The following UBTD1 variants were observed in gnomAD, a reference collection of about 807,000 sequenced individuals.
UBTD1 encodes ubiquitin domain containing 1.
In UBTD1, 19 loss-of-function variants were observed where a neutral mutation model predicts 21.7. The ratio of observed to expected loss-of-function variants is 0.87; its 90% confidence interval spans 0.61 to 1.28. UBTD1 has a LOEUF of 1.28. Ranked by LOEUF, UBTD1 falls within the 50% of genes most tolerant of loss-of-function variation. The probability of loss-of-function intolerance (pLI) is 0.00; values close to 1 mark genes in which losing one functional copy is unlikely to be tolerated. For synonymous variants in UBTD1, 116 were observed against 135.1 expected (o/e 0.86, Z 0.98); for missense variants, 282 against 315.1 (o/e 0.89, Z 0.80).
intron 1 of UBTD1, among the ~76,000 whole-genome samples, chr10:97,537,173 C>G (rs1167666416): frequency 6.6e-6 from 1 of 152,134 alleles, no homozygotes; most frequent in Non-Finnish European, 1.5e-5. Flanking sequence ...CCGGCAGGAT[C>G]TTAAACACAG....
chr10:97,538,323 C>G (rs2040572751), intron 1 of UBTD1, among the ~76,000 whole-genome samples: 1 of 151,922 alleles, frequency 6.6e-6, no homozygotes, highest in Admixed American at 6.6e-5. Context: ...GAGACCTCAT[C>G]CCTATTTTAT....
intron 1 of UBTD1, among the ~76,000 whole-genome samples, chr10:97,556,595 A>G (rs368505820): frequency 1.3e-5 from 2 of 152,332 alleles, no homozygotes; most frequent in Non-Finnish European, 1.5e-5. Flanking sequence ...TCAGGGGGCC[A>G]TTTATCATCT....
chr10:97,503,879 G>T (rs1371771302), intron 1 of UBTD1, among the ~76,000 whole-genome samples: 1 of 152,156 alleles, frequency 6.6e-6, no homozygotes, highest in South Asian at 2.1e-4. Flanking sequence ...TATAATTTCA[G>T]CCCATTCTCT....
intron 1 of UBTD1, among the ~76,000 whole-genome samples, chr10:97,523,819 G>C (rs1482974502): frequency 6.6e-6 from 1 of 152,088 alleles, no homozygotes; most frequent in Admixed American, 6.5e-5. Flanking sequence ...AGGACTGTTG[G>C]TCTCTGTGGC....
At chr10:97,562,121 G>T (rs74773350) in intron 1 of UBTD1, among the ~76,000 whole-genome samples, 1 of 152,086 alleles carries the variant, frequency 6.6e-6, no homozygotes, top group African/African-American at 2.4e-5. Flanking sequence ...ACATTAAAAC[G>T]GTCCAGGCGT....
intron 1 of UBTD1, among the ~76,000 whole-genome samples, chr10:97,535,881 G>C (rs1375521715): frequency 6.6e-6 from 1 of 151,508 alleles, no homozygotes; most frequent in African/African-American, 2.4e-5. Context: ...CCGCACTACT[G>C]CACTCTAATC....
chr10:97,564,084 C>T (rs2040706569), intron 1 of UBTD1, among the ~76,000 whole-genome samples: 1 of 152,034 alleles, frequency 6.6e-6, no homozygotes, highest in Non-Finnish European at 1.5e-5. Context: ...GGGTCCGGTC[C>T]ATCGAGGTTG....
At chr10:97,557,832 C>T (rs1053391182) in intron 1 of UBTD1, among the ~76,000 whole-genome samples, 9 of 152,160 alleles carry the variant, frequency 5.9e-5, no homozygotes, top group Non-Finnish European at 4.4e-5. Context: ...TAGCATTATA[C>T]AAACAAGTTT....
At chr10:97,519,012 C>G (rs1043001726) in intron 1 of UBTD1, among the ~76,000 whole-genome samples, 2 of 152,228 alleles carry the variant, frequency 1.3e-5, no homozygotes, top group African/African-American at 4.8e-5. Flanking sequence ...GAGTAAGTAG[C>G]AGAACCAGAC....
chr10:97,557,564 T>C (rs1302414297), intron 1 of UBTD1, among the ~76,000 whole-genome samples: 2 of 152,204 alleles, frequency 1.3e-5, no homozygotes, highest in Non-Finnish European at 2.9e-5. Flanking sequence ...TTTTTTTTAC[T>C]GTGTAACTTT....
At chr10:97,565,740 T>G (rs2040714389) in intron 1 of UBTD1, among the ~76,000 whole-genome samples, 1 of 152,034 alleles carries the variant, frequency 6.6e-6, no homozygotes, top group Non-Finnish European at 1.5e-5. Flanking sequence ...GGGTCTCACT[T>G]TGTCACCCAG....
chr10:97,559,211 A>G (rs1402380980), intron 1 of UBTD1, among the ~76,000 whole-genome samples: 7 of 152,218 alleles, frequency 4.6e-5, no homozygotes, highest in Non-Finnish European at 1.0e-4. Context: ...AGAGCTTGGC[A>G]TGACTTATTA....
At chr10:97,534,904 C>A (rs879491226) in intron 1 of UBTD1, among the ~76,000 whole-genome samples, 9 of 152,330 alleles carry the variant, frequency 5.9e-5, no homozygotes, top group Admixed American at 5.2e-4. Context: ...CCCGCCTCCC[C>A]ACCAAGCGGC....
intron 1 of UBTD1, among the ~76,000 whole-genome samples, chr10:97,503,510 T>C (rs1384964172): frequency 1.3e-5 from 2 of 152,304 alleles, no homozygotes; most frequent in African/African-American, 4.8e-5. Context: ...AACCCAAATA[T>C]CTGACTCTGT....
At chr10:97,538,401 GT>G (rs1274290712) in intron 1 of UBTD1, among the ~76,000 whole-genome samples, 1 of 152,144 alleles carries the variant, frequency 6.6e-6, no homozygotes, top group Non-Finnish European at 1.5e-5. Flanking sequence ...ACATTTGTAT[GT>G]TTTTAAAATG....
chr10:97,504,745 A>G (rs938122966), intron 1 of UBTD1, among the ~76,000 whole-genome samples: 3 of 152,216 alleles, frequency 2.0e-5, no homozygotes, highest in African/African-American at 7.2e-5. Context: ...AGCATAAGTG[A>G]ACACGTCTGA....
In UBTD1 at chr10:97,557,690, T is replaced by TA. The variant is rs528634072; in HGVS notation, c.71-10223dup. ...CCCCTCTTTCTTCTGTTCTAGCTGT[T>TA]ACCTTACTTGTGTCACCTAGAAAAG... On this transcript the variant is annotated intron_variant, in intron 1 of 2. Transcript: ENST00000370664. Among the ~76,000 whole-genome samples the TA allele has an allele frequency of 2.4e-3, 362 of 152,336 alleles. No homozygotes were observed. The Middle Eastern group carries it at 0.024, about 10-fold the overall frequency.
At chr10:97,534,058 A>G (rs773301294) in intron 1 of UBTD1, among the ~76,000 whole-genome samples, 1 of 152,144 alleles carries the variant, frequency 6.6e-6, no homozygotes, top group Non-Finnish European at 1.5e-5. Flanking sequence ...TGCAGGCAGG[A>G]CCAGCTGCAA....
intron 1 of UBTD1, among the ~76,000 whole-genome samples, chr10:97,503,357 A>G (rs763180459): frequency 1.3e-5 from 2 of 152,164 alleles, no homozygotes; most frequent in Non-Finnish European, 2.9e-5. Flanking sequence ...GCCACCCCAT[A>G]CATGTACACT....
Sources: gnomAD v4.1 joint callset for allele counts (sites outside exome capture counted in the v4.1 genomes callset) on GRCh38, gnomAD v4.1.1 for gene constraint, MANE v1.5 for transcripts, NCBI Gene and HGNC (gene_info 2026-07-23, HGNC 2026-07-21) for gene names.